Variants in DNAH14 observed in about 807,000 individuals in gnomAD.
The protein encoded by DNAH14 is dynein axonemal heavy chain 14.
In DNAH14, 478 loss-of-function variants were observed where a neutral mutation model predicts 520.9. That is an observed-to-expected ratio of 0.92 (90% CI 0.85 to 0.99). The LOEUF is 0.99. Among genes scored for constraint, DNAH14 ranks in the 50% least tolerant of loss-of-function variants. DNAH14 has a pLI of 0.00. For synonymous variants in DNAH14, 1,581 were observed against 1,757.2 expected (o/e 0.90, Z 2.51); for missense variants, 4,831 against 5,234.5 (o/e 0.92, Z 2.38).
chr1:225,288,212 CA>C (rs1317365016), intron 54 of DNAH14, among the ~76,000 whole-genome samples: 6 of 151,882 alleles, frequency 4.0e-5, no homozygotes, highest in African/African-American at 1.2e-4. Context: ...AGTTCACCAA[CA>C]AAAATGATAA....
chr1:225,262,289 G>A (rs1386135459), intron 46 of DNAH14, among the ~76,000 whole-genome samples: 1 of 151,734 alleles, frequency 6.6e-6, no homozygotes, highest in Non-Finnish European at 1.5e-5. Context: ...CCATTCTGTA[G>A]GTTGTCTGTG....
intron 27 of DNAH14, among the ~76,000 whole-genome samples, chr1:225,137,317 G>T (rs1396219724): frequency 6.6e-6 from 1 of 151,944 alleles, no homozygotes; most frequent in African/African-American, 2.4e-5. Context: ...TGGGGTTTTT[G>T]TGGGGTCTTT....
chr1:225,377,493 C>T, intron 79 of DNAH14, 57 bp downstream of exon 79: 1 of 1,486,814 alleles, frequency 6.7e-7, no homozygotes. Flanking sequence ...GGTCTGGCAG[C>T]TCATGCCTGT....
intron 27 of DNAH14, among the ~76,000 whole-genome samples, chr1:225,127,735 C>A (rs55764147): frequency 0.26 from 38,986 of 151,840 alleles, 7,672 homozygotes; most frequent in African/African-American, 0.55. Flanking sequence ...TTATGTGTGA[C>A]TTTGATCCTG....
intron 38 of DNAH14, among the ~76,000 whole-genome samples, chr1:225,198,853 T>C (rs1042234390): frequency 2.0e-5 from 3 of 152,164 alleles, no homozygotes; most frequent in African/African-American, 4.8e-5. Flanking sequence ...ACTGGCTTCA[T>C]AGAATGATTT....
intron 69 of DNAH14, among the ~76,000 whole-genome samples, chr1:225,345,330 TATC>T (rs1331646489): frequency 6.6e-6 from 1 of 152,132 alleles, no homozygotes; most frequent in Non-Finnish European, 1.5e-5. Flanking sequence ...CTAAAAATCA[TATC>T]ATAAGAAAAA....
intron 83 of DNAH14, 127 bp from the exon 84 acceptor site, chr1:225,392,164 C>G: frequency 8.3e-7 from 1 of 1,197,830 alleles, no homozygotes; most frequent in Non-Finnish European, 1.2e-6. Context: ...CCGCCCAGCC[C>G]ATCTCTTTTG....
At chr1:225,106,865 C>G (rs1339696035) in intron 23 of DNAH14, among the ~76,000 whole-genome samples, 1 of 152,072 alleles carries the variant, frequency 6.6e-6, no homozygotes, top group Non-Finnish European at 1.5e-5. Context: ...CATCTGAAAC[C>G]TTCTTCTCTC....
chr1:225,151,872 G>A, intron 31 of DNAH14, 133 bp from the exon 32 acceptor site: 1 of 810,204 alleles, frequency 1.2e-6, no homozygotes, highest in Non-Finnish European at 2.1e-6. Context: ...TCTCACCATT[G>A]TTTTTTCCAG....
Sources: allele counts gnomAD v4.1 joint callset (sites outside exome capture counted in the v4.1 genomes callset), GRCh38; gene constraint gnomAD v4.1.1; transcripts MANE v1.5; gene names NCBI Gene and HGNC (gene_info 2026-07-23, HGNC 2026-07-21).